Variants in DNAJC10 observed in about 807,000 individuals in gnomAD.
DNAJC10 encodes endoplasmic reticulum disulfide reductase DNAJC10.
In DNAJC10, 101 loss-of-function variants were observed where a neutral mutation model predicts 115.0. The ratio of observed to expected loss-of-function variants is 0.88; its 90% CI spans 0.75 to 1.04. DNAJC10 has a LOEUF of 1.04. Among genes scored for constraint, DNAJC10 ranks in the 50% least tolerant of loss-of-function variants. The pLI, the probability that DNAJC10 is intolerant of heterozygous loss-of-function variation, is 0.00. For missense variants in DNAJC10, 981 were observed against 928.8 expected (o/e 1.06, Z -0.73); for synonymous variants, 307 against 301.5 (o/e 1.02, Z -0.19).
chr2:182,740,939 A>C (rs1465267217), intron 12 of DNAJC10, among the ~76,000 whole-genome samples: 2 of 152,266 alleles, frequency 1.3e-5, no homozygotes, highest in East Asian at 3.9e-4. Flanking sequence ...TAAGCCTGAA[A>C]AAGCTGACAA....
intron 14 of DNAJC10, among the ~76,000 whole-genome samples, chr2:182,746,596 A>C (rs1251286092): frequency 6.6e-6 from 1 of 151,964 alleles, no homozygotes; most frequent in Non-Finnish European, 1.5e-5. Context: ...TTTCTTGTAA[A>C]TTTGTGTGAG....
chr2:182,742,741 A>G (rs1446855719), intron 13 of DNAJC10, among the ~76,000 whole-genome samples: 1 of 152,186 alleles, frequency 6.6e-6, no homozygotes, highest in Non-Finnish European at 1.5e-5. Flanking sequence ...ATACTTTTTC[A>G]TGATTATTAA....
chr2:182,744,920 C>T (rs1693823698), intron 14 of DNAJC10, among the ~76,000 whole-genome samples: 1 of 152,026 alleles, frequency 6.6e-6, no homozygotes, highest in Non-Finnish European at 1.5e-5. Flanking sequence ...TCTCAGACCC[C>T]CCCTCTTCTC....
At chr2:182,739,263 A>T (rs1056352966) in intron 11 of DNAJC10, among the ~76,000 whole-genome samples, 1 of 147,280 alleles carries the variant, frequency 6.8e-6, no homozygotes, top group African/African-American at 2.5e-5. Flanking sequence ...ATATATATAT[A>T]TTCAGTTTTA....
In DNAJC10 at chr2:182,741,323, A is replaced by T. The variant is rs372562169; in HGVS notation, c.1158A>T (p.Lys386Asn). Residue 386 changes from lysine (K) to asparagine (N), a missense_variant, in exon 13 of 24, where the codon AAA becomes AAT. Physicochemically the swap from Lys to Asn is moderately conservative, Grantham distance 94. Transcript: ENST00000264065. The part of the protein sequence containing the change: ...NENSNDPELK[K>N]LKTLLKNDHI... ...ATTCAAATGATCCTGAGCTGAAAAAACTAAAAACTCTACTTAAAAATGATC... is the reference window on the plus strand; with the variant it reads ...ATTCAAATGATCCTGAGCTGAAAAATCTAAAAACTCTACTTAAAAATGATC... The T allele has an allele frequency of 6.3e-7, 1 of 1,592,056 alleles. No individual in the cohort carries two copies. The highest frequency in any genetic ancestry group is 8.6e-7 in the Non-Finnish European group (1 of 1,167,978).
chr2:182,744,397 C>T (rs187457917), intron 14 of DNAJC10, among the ~76,000 whole-genome samples: 181 of 152,062 alleles, frequency 1.2e-3, no homozygotes, highest in African/African-American at 3.8e-3. Flanking sequence ...AATAGTGTAG[C>T]GGGGAACAGA....
At chr2:182,773,435 G>T (rs1694619206) in intron 22 of DNAJC10, among the ~76,000 whole-genome samples, 1 of 152,120 alleles carries the variant, frequency 6.6e-6, no homozygotes, top group Non-Finnish European at 1.5e-5. Context: ...TTCCAACTTG[G>T]TTCCATTCTC....
chr2:182,743,733 TAAAA>T (rs201715091), intron 14 of DNAJC10, 21 bp downstream of exon 14: 3 of 1,502,446 alleles, frequency 2.0e-6, no homozygotes, highest in Middle Eastern at 1.8e-4. Context: ...AAAAAAATGA[TAAAA>T]AAAAACTTAG....
intron 13 of DNAJC10, among the ~76,000 whole-genome samples, chr2:182,742,672 C>A (rs1693765572): frequency 6.6e-6 from 1 of 152,204 alleles, no homozygotes; most frequent in African/African-American, 2.4e-5. Flanking sequence ...CGATAGGCCA[C>A]AAGTGATATG....
At chr2:182,738,339 A>G (rs895390936) in intron 11 of DNAJC10, among the ~76,000 whole-genome samples, 3 of 152,180 alleles carry the variant, frequency 2.0e-5, no homozygotes, top group African/African-American at 7.2e-5. Flanking sequence ...ATTCTGTGCC[A>G]TCCGTCAACA....
intron 22 of DNAJC10, among the ~76,000 whole-genome samples, chr2:182,771,356 A>G (rs1694559359): frequency 6.6e-6 from 1 of 152,144 alleles, no homozygotes. Flanking sequence ...TGAGTTAGGG[A>G]GGATTCCCTC....
chr2:182,758,903 A>AAT lies in DNAJC10; in HGVS notation c.1997+20_1997+21dup. ...TCTGGGGTCTAGGGTGAGTAATTAAAATATATATCATTGTATAAAATAGAT... is the reference window on the plus strand; with the variant it reads ...TCTGGGGTCTAGGGTGAGTAATTAAAATATATATATCATTGTATAAAATAGAT... On this transcript the variant is annotated intron_variant, in intron 20 of 23. Coordinates refer to ENST00000264065, the MANE Select transcript of DNAJC10 (RefSeq NM_018981.4). 6.4e-7 allele frequency: 1 copy of AAT among 1,559,626 alleles called. No homozygotes were observed. The highest frequency in any genetic ancestry group is 8.8e-7 in the Non-Finnish European group (1 of 1,131,378).
intron 11 of DNAJC10, among the ~76,000 whole-genome samples, chr2:182,736,855 T>C (rs1161002503): frequency 6.6e-6 from 1 of 152,196 alleles, no homozygotes; most frequent in Non-Finnish European, 1.5e-5. Context: ...GTTCAAGTGA[T>C]TCTTCTGCCT....
At chr2:182,719,797 A>AC (rs1491285011) in intron 3 of DNAJC10, among the ~76,000 whole-genome samples, 2 of 98,306 alleles carry the variant, frequency 2.0e-5, no homozygotes, top group African/African-American at 8.0e-5. Context: ...TACTTTTCTT[A>AC]CTTTTTTTTT....
chr2:182,791,329 G>C lies in DNAJC10; in HGVS notation c.*14197G>C, dbSNP rs533832415. ...CCCAGCCTCAAAAGTTAAAAATTAA[G>C]AGAGATATGTATTCAGGTGGCCATT... On this transcript the variant is annotated 3_prime_UTR_variant, in exon 24 of 24. Coordinates refer to ENST00000264065, the MANE Select transcript of DNAJC10 (RefSeq NM_018981.4). 8.8e-4 allele frequency: 134 copies of C among 152,240 alleles called. No homozygotes were observed. The highest frequency in any genetic ancestry group is 3.1e-3 in the African/African-American group (129 of 41,534). The allele number at this position is 152,240 out of a possible 1,614,324, so 9.4% of individuals were successfully genotyped here.
At chr2:182,729,805 AAG>A (rs1173778749) in intron 7 of DNAJC10, 41 bp from the exon 8 acceptor site, 2 of 1,345,266 alleles carry the variant, frequency 1.5e-6, no homozygotes, top group African/African-American at 3.0e-5. Flanking sequence ...GAGTTTTAAA[AAG>A]AAAAAGTAAA....
At chr2:182,740,476 C>A in intron 12 of DNAJC10, 88 bp downstream of exon 12, 1 of 1,274,568 alleles carries the variant, frequency 7.8e-7, no homozygotes, top group Non-Finnish European at 1.1e-6. Flanking sequence ...TTGTTTTATT[C>A]ATCTCTAGAG....
In DNAJC10 at chr2:182,787,091, T is replaced by G. The variant is rs288308; in HGVS notation, c.*9959T>G. The G allele has an allele frequency of 0.68, 103,232 of 152,180 alleles. 35,769 individuals carry two copies. Among genetic ancestry groups the G allele is most frequent in the African/African-American group, 0.81 (33,523 of 41,500 alleles). The allele number at this position is 152,180 out of a possible 1,614,324, so 9.4% of individuals were successfully genotyped here. Reference sequence around the variant, plus strand: ...CAGAACTATGAGAAATAAATGTGTTTTTTTAAGCCAGCCAGTTCATTTTGT... The same window carrying G: ...CAGAACTATGAGAAATAAATGTGTTGTTTTAAGCCAGCCAGTTCATTTTGT... On this transcript the variant is annotated 3_prime_UTR_variant, in exon 24 of 24. Transcript: ENST00000264065.
At chr2:182,737,170 G>A (rs1693605834) in intron 11 of DNAJC10, among the ~76,000 whole-genome samples, 1 of 152,194 alleles carries the variant, frequency 6.6e-6, no homozygotes, top group Non-Finnish European at 1.5e-5. Flanking sequence ...ATCTTGTAAT[G>A]TGGTATACCT....
Sources: allele counts gnomAD v4.1 joint callset (sites outside exome capture counted in the v4.1 genomes callset), GRCh38; gene constraint gnomAD v4.1.1; transcripts MANE v1.5; gene names NCBI Gene and HGNC (gene_info 2026-07-23, HGNC 2026-07-21).